ABR: variants seen among roughly 807,000 people sequenced by gnomAD.
The protein encoded by ABR is active breakpoint cluster region-related protein.
A neutral mutation model predicts 107.2 loss-of-function variants in ABR; 35 were observed. The ratio of observed to expected loss-of-function variants is 0.33; its 90% CI spans 0.25 to 0.43. The LOEUF (loss-of-function observed/expected upper bound fraction) is 0.43. Ranked by LOEUF, ABR falls within the 20% of genes least tolerant of loss-of-function variation. The pLI, the probability that ABR is intolerant of heterozygous loss-of-function variation, is 1.00. For missense variants in ABR, 815 were observed against 1,115.2 expected, an observed-to-expected ratio of 0.73 and a Z score of 3.83; for synonymous variants, 498 against 462.0, an observed-to-expected ratio of 1.08 and a Z score of -1.00.
intron 2 of ABR, among the ~76,000 whole-genome samples, chr17:1,102,591 T>C (rs1017521474): frequency 6.6e-6 from 1 of 152,196 alleles, no homozygotes; most frequent in South Asian, 2.1e-4. Context: ...TACAAATTTG[T>C]GTCGGGCCAC....
rs1436801975 is a variant in ABR at position 1,071,571 on chromosome 17, G to A, written c.894+1043C>T. 6.6e-6 allele frequency among the ~76,000 whole-genome samples: 1 copy of A among 152,242 alleles called. No individual in the cohort carries two copies. Among genetic ancestry groups the A allele is most frequent in the South Asian group, 2.1e-4 (1 of 4,836 alleles). On this transcript the variant is annotated intron_variant, in intron 8 of 22. Coordinates refer to ENST00000302538, the MANE Select transcript of ABR (RefSeq NM_021962.5). This position sits in a 1 kb window ranked among gnomAD's most constrained non-coding sequence, Gnocchi z 5.1. ...CCAGGGAACGGCTGTCCCACATGCA[G>A]GTGCCCACTGGACATTCCGGCAACC... is the stretch of plus-strand genomic sequence containing the variant.
chr17:1,011,191 GC>G lies in ABR; in HGVS notation c.2102-329del. 2 of 338,964 alleles carry G rather than the reference GC, an allele frequency of 5.9e-6. No individual in the cohort carries two copies. The highest frequency in any genetic ancestry group is 1.1e-5 in the Non-Finnish European group (2 of 178,096). The allele number at this position is 338,964 out of a possible 1,614,324, so 21.0% of individuals were successfully genotyped here. ...CCGACTGGAACCTCTCCATCGCTAAGCCCCTCTCTGGAAGGCATTGCACACT... is the reference window on the plus strand; with the variant it reads ...CCGACTGGAACCTCTCCATCGCTAAGCCCTCTCTGGAAGGCATTGCACACT... On this transcript the variant is annotated intron_variant, in intron 19 of 22. Coordinates refer to ENST00000302538, the MANE Select transcript of ABR (RefSeq NM_021962.5). This position sits in a 1 kb window ranked among gnomAD's most constrained non-coding sequence, Gnocchi z 4.8.
At chr17:1,209,315 C>T (rs1173148464) in intron 1 of ABR, among the ~76,000 whole-genome samples, 2 of 151,364 alleles carry the variant, frequency 1.3e-5, no homozygotes, top group Non-Finnish European at 2.9e-5. Flanking sequence ...CTTACTCTGT[C>T]CTTCAGGCTG....
chr17:1,054,167 G>T (rs766539390), intron 14 of ABR, among the ~76,000 whole-genome samples: 15 of 152,226 alleles, frequency 9.9e-5, no homozygotes, highest in Non-Finnish European at 1.9e-4. Context: ...GACCTCGGCG[G>T]GATGCCGGAG....
chr17:1,011,804 A>G lies in ABR; in HGVS notation c.2101+42T>C, dbSNP rs2070577532. The G allele has an allele frequency of 2.0e-6, 3 of 1,535,382 alleles. No homozygotes were observed. Among genetic ancestry groups the G allele is most frequent in the Admixed American group, 1.9e-5 (1 of 52,834 alleles). On this transcript the variant is annotated intron_variant, in intron 19 of 22. Coordinates refer to ENST00000302538, the MANE Select transcript of ABR (RefSeq NM_021962.5). The surrounding 1 kb of genome is among the most constrained non-coding windows in gnomAD (Gnocchi z 4.8). ...TCCTGTCCATCCCACCAGCCTGCTC[A>G]GACACAGCCACACCTGCCCCGGCTG...
At chr17:1,134,434 TA>T (rs67411420) in intron 1 of ABR, among the ~76,000 whole-genome samples, 86,347 of 151,192 alleles carry the variant, frequency 0.57, 24,801 homozygotes, top group East Asian at 0.66. Flanking sequence ...ATTAATTAAT[TA>T]AATTAAATTA....
At chr17:1,106,368 A>C (rs1377737856) in intron 2 of ABR, among the ~76,000 whole-genome samples, 1 of 152,036 alleles carries the variant, frequency 6.6e-6, no homozygotes, top group Non-Finnish European at 1.5e-5. Flanking sequence ...AGGGTGTGCC[A>C]AGAACCTCTG....
intron 2 of ABR, among the ~76,000 whole-genome samples, chr17:1,108,421 C>T (rs1006228716): frequency 2.3e-4 from 35 of 152,368 alleles, no homozygotes; most frequent in African/African-American, 8.2e-4. Context: ...TCGGGAAGGG[C>T]ACCTGCCCAC....
Position 1,009,013 on chromosome 17 carries a change from T to C in ABR, c.2342+666A>G, listed in dbSNP as rs538606105. ...GCCTGGTGTGGGGACTCAGTTTCCC[T>C]ATGTCTAGTGAGGTGTGGGCCAAGA... On this transcript the variant is annotated intron_variant, in intron 21 of 22. Transcript: ENST00000302538. Among the ~76,000 whole-genome samples, 4 of 152,332 alleles carry C rather than the reference T, an allele frequency of 2.6e-5. No homozygotes were observed. In the South Asian group the frequency reaches 8.3e-4, roughly 32 times the overall value.
intron 16 of ABR, among the ~76,000 whole-genome samples, chr17:1,046,219 G>A (rs193135548): frequency 1.6e-3 from 239 of 151,172 alleles, no homozygotes; most frequent in African/African-American, 5.5e-3. Flanking sequence ...TTGGCCAGGC[G>A]AGTCTCAAAC....
At chr17:1,072,869 C>T (rs1283765759) in intron 7 of ABR, 115 bp from the exon 8 acceptor site, 1 of 1,341,530 alleles carries the variant, frequency 7.5e-7, no homozygotes, top group East Asian at 2.8e-5. Context: ...TGCCTAATTC[C>T]CGCAAAATCT....
At chr17:1,128,133 C>T (rs1054448822) in intron 1 of ABR, among the ~76,000 whole-genome samples, 3 of 152,284 alleles carry the variant, frequency 2.0e-5, no homozygotes, top group South Asian at 2.1e-4. Context: ...GCTCGGCCTG[C>T]GAACATTTCC....
chr17:1,060,039 C>T (rs375033260), intron 10 of ABR, among the ~76,000 whole-genome samples: 195 of 152,310 alleles, frequency 1.3e-3, no homozygotes, highest in Middle Eastern at 3.4e-3. Flanking sequence ...CTGCTAAGAG[C>T]GAAGAATCAG....
At chr17:1,109,180 C>A (rs1251042678) in intron 2 of ABR, 3 of 1,361,898 alleles carry the variant, frequency 2.2e-6, no homozygotes, top group Non-Finnish European at 2.9e-6. Context: ...CACCCGCGCG[C>A]CCGGCCTGGG....
intron 1 of ABR, among the ~76,000 whole-genome samples, chr17:1,160,814 T>G (rs187327496): frequency 2.5e-4 from 38 of 152,308 alleles, no homozygotes; most frequent in Admixed American, 1.2e-3. Flanking sequence ...GAACCTATTC[T>G]ACCGTGAATT....
chr17:1,132,601 A>G (rs763540550), intron 1 of ABR, among the ~76,000 whole-genome samples: 9 of 151,154 alleles, frequency 6.0e-5, no homozygotes, highest in Non-Finnish European at 1.0e-4. Flanking sequence ...ATGGTCTCCA[A>G]CTCCTGACCT....
intron 16 of ABR, among the ~76,000 whole-genome samples, chr17:1,043,191 G>A (rs1035525839): frequency 6.6e-6 from 1 of 152,152 alleles, no homozygotes; most frequent in African/African-American, 2.4e-5. Context: ...TTTTTGAGAT[G>A]GAGTCTCACT....
intron 10 of ABR, among the ~76,000 whole-genome samples, chr17:1,063,865 G>A (rs1429663768): frequency 1.3e-5 from 2 of 149,312 alleles, no homozygotes; most frequent in East Asian, 2.0e-4. Context: ...CTGCTGTTAC[G>A]TGAACTGAGG....
Position 1,179,093 on chromosome 17 carries a change from A to G in ABR, c.61+574T>C, listed in dbSNP as rs1023220949. 6.6e-6 allele frequency among the ~76,000 whole-genome samples: 1 copy of G among 151,206 alleles called. No individual in the cohort carries two copies. Among genetic ancestry groups the G allele is most frequent in the Non-Finnish European group, 1.5e-5 (1 of 67,810 alleles). On this transcript the variant is annotated intron_variant, in intron 1 of 22. Coordinates refer to ENST00000302538, the MANE Select transcript of ABR (RefSeq NM_021962.5). This position sits in a 1 kb window ranked among gnomAD's most constrained non-coding sequence, Gnocchi z 4.9. ...AAAGATTGCTGAGCCCGGGATTTTCAGCTCCCGCATCCAAACGGCCCCCGC... is the reference window on the plus strand; with the variant it reads ...AAAGATTGCTGAGCCCGGGATTTTCGGCTCCCGCATCCAAACGGCCCCCGC...
Sources: gnomAD v4.1 joint callset for allele counts (sites outside exome capture counted in the v4.1 genomes callset) on GRCh38, gnomAD v4.1.1 for gene constraint, Gnocchi (gnomAD v3.1) non-coding constraint, MANE v1.5 for transcripts, NCBI Gene and HGNC (gene_info 2026-07-23, HGNC 2026-07-21) for gene names.